Variants in FSTL4 observed in about 807,000 individuals in gnomAD.
FSTL4 encodes the protein follistatin like 4, also known as follistatin-related protein 4.
In FSTL4, 28 loss-of-function variants were observed where a neutral mutation model predicts 78.2. The observed-to-expected ratio is 0.36, with a 90% confidence interval of 0.27 to 0.49. The LOEUF (loss-of-function observed/expected upper bound fraction) is 0.49. FSTL4 is among the 20% of genes least tolerant of loss of function. FSTL4 has a pLI of 0.98. For missense variants in FSTL4, 922 were observed against 1,084.9 expected (o/e 0.85, Z 2.11); for synonymous variants, 422 against 440.5 (o/e 0.96, Z 0.53).
At chr5:133,825,118 G>A in the FSTL4 span, among the ~76,000 whole-genome samples, 7 of 152,200 alleles carry the variant, frequency 4.6e-5, no homozygotes, top group African/African-American at 1.7e-4. Flanking sequence ...CAGGGACTCA[G>A]TGCCTCGCTG....
intron 3 of FSTL4, among the ~76,000 whole-genome samples, chr5:133,466,940 G>A (rs1251278037): frequency 1.3e-5 from 2 of 149,818 alleles, no homozygotes; most frequent in Admixed American, 6.6e-5. Flanking sequence ...GAATATGAGT[G>A]TGTGAGTACG....
chr5:133,807,266 G>T, the FSTL4 span, among the ~76,000 whole-genome samples: 1 of 152,308 alleles, frequency 6.6e-6, no homozygotes, highest in Non-Finnish European at 1.5e-5. Flanking sequence ...AAGGCAAGTG[G>T]CTGCTTTCAA....
the FSTL4 span, among the ~76,000 whole-genome samples, chr5:133,756,608 G>T: frequency 2.6e-5 from 4 of 152,078 alleles, no homozygotes; most frequent in Non-Finnish European, 5.9e-5. Flanking sequence ...ACCCCACCTT[G>T]GTCTTCACTT....
chr5:133,283,020 C>T (rs1390648370), intron 6 of FSTL4, among the ~76,000 whole-genome samples: 1 of 151,102 alleles, frequency 6.6e-6, no homozygotes, highest in East Asian at 1.9e-4. Flanking sequence ...TCTGTTAGCA[C>T]AAGGTTGGGG....
intron 3 of FSTL4, among the ~76,000 whole-genome samples, chr5:133,463,950 A>G (rs1395872657): frequency 6.6e-6 from 1 of 152,228 alleles, no homozygotes; most frequent in Non-Finnish European, 1.5e-5. Flanking sequence ...GAGCAGTTCC[A>G]AGCCTTCTTG....
At chr5:133,261,599 G>A (rs1752523051) in intron 6 of FSTL4, among the ~76,000 whole-genome samples, 1 of 152,148 alleles carries the variant, frequency 6.6e-6, no homozygotes, top group African/African-American at 2.4e-5. Context: ...GCTCACGCCT[G>A]GAATCCCAGC....
At chr5:133,249,150 C>T (rs887063878) in intron 7 of FSTL4, among the ~76,000 whole-genome samples, 1 of 152,254 alleles carries the variant, frequency 6.6e-6, no homozygotes, top group Admixed American at 6.5e-5. Context: ...AATGCAGCCC[C>T]GTTCAGAGGC....
At chr5:133,818,724 G>T in the FSTL4 span, among the ~76,000 whole-genome samples, 5 of 146,138 alleles carry the variant, frequency 3.4e-5, no homozygotes, top group African/African-American at 1.3e-4. Flanking sequence ...ACTTTAATCT[G>T]CCCTAATGAA....
At chr5:133,384,059 T>C (rs1430633882) in intron 4 of FSTL4, among the ~76,000 whole-genome samples, 1 of 152,108 alleles carries the variant, frequency 6.6e-6, no homozygotes, top group African/African-American at 2.4e-5. Flanking sequence ...CTGGGAAAAA[T>C]GTGATTGGCA....
the FSTL4 span, among the ~76,000 whole-genome samples, chr5:133,823,578 A>G: frequency 6.6e-6 from 1 of 152,172 alleles, no homozygotes; most frequent in Non-Finnish European, 1.5e-5. Flanking sequence ...GCTCCCAGAG[A>G]GGCAGTATGG....
At chr5:133,395,172 C>T (rs115470538) in intron 4 of FSTL4, among the ~76,000 whole-genome samples, 2,546 of 152,230 alleles carry the variant, frequency 0.017, 61 homozygotes, top group African/African-American at 0.054. Context: ...GCAGTGGCAA[C>T]CTGGGTCCCC....
At chr5:133,526,282 C>A (rs1759098917) in intron 3 of FSTL4, among the ~76,000 whole-genome samples, 1 of 152,050 alleles carries the variant, frequency 6.6e-6, no homozygotes, top group Non-Finnish European at 1.5e-5. Context: ...AAGGGGGTAG[C>A]CTCATTATCA....
chr5:133,356,931 A>G (rs927457504), intron 4 of FSTL4, among the ~76,000 whole-genome samples: 1 of 152,210 alleles, frequency 6.6e-6, no homozygotes, highest in Non-Finnish European at 1.5e-5. Flanking sequence ...GAGCTGGTAA[A>G]GGGCCATGCC....
chr5:133,245,419 C>T (rs1371753382), intron 7 of FSTL4, among the ~76,000 whole-genome samples: 3 of 152,240 alleles, frequency 2.0e-5, no homozygotes, highest in Admixed American at 1.3e-4. Flanking sequence ...CAAACATCTG[C>T]GCTTCCCCAC....
In FSTL4 at chr5:133,560,432, T is replaced by C. The variant is rs538007308; in HGVS notation, c.160+6754A>G. On this transcript the variant is annotated intron_variant, in intron 3 of 15. Coordinates refer to ENST00000265342, the MANE Select transcript of FSTL4 (RefSeq NM_015082.2). ...TCTCCCAGGTTGGAGTGCAGTGGTG[T>C]GATCTCGGCTCACTGCAACCTCTGC... is the stretch of plus-strand genomic sequence containing the variant. 3.3e-5 allele frequency among the ~76,000 whole-genome samples: 5 copies of C among 151,872 alleles called. No individual in the cohort carries two copies. In the East Asian group the frequency reaches 5.8e-4, roughly 18 times the overall value.
intron 5 of FSTL4, among the ~76,000 whole-genome samples, chr5:133,315,159 C>A (rs1250220032): frequency 6.6e-6 from 1 of 152,114 alleles, no homozygotes; most frequent in African/African-American, 2.4e-5. Context: ...GAGACCATGT[C>A]TAAAAAAGAA....
At chr5:133,710,086 G>A in the FSTL4 span, among the ~76,000 whole-genome samples, 2 of 152,190 alleles carry the variant, frequency 1.3e-5, no homozygotes, top group African/African-American at 2.4e-5. Context: ...AGGGAGGAGT[G>A]CCATGAGGCA....
chr5:133,359,008 T>G (rs1339548482), intron 4 of FSTL4, among the ~76,000 whole-genome samples: 1 of 152,220 alleles, frequency 6.6e-6, no homozygotes. Context: ...GTGGAAATTC[T>G]CACACGGTGG....
intron 6 of FSTL4, among the ~76,000 whole-genome samples, chr5:133,284,270 G>A (rs1430441457): frequency 1.3e-5 from 2 of 152,206 alleles, no homozygotes; most frequent in Non-Finnish European, 2.9e-5. Flanking sequence ...ACATCATAAG[G>A]AGCAATTCTC....
Sources: gnomAD v4.1 joint callset for allele counts (sites outside exome capture counted in the v4.1 genomes callset) on GRCh38, gnomAD v4.1.1 for gene constraint, MANE v1.5 for transcripts, NCBI Gene and HGNC (gene_info 2026-07-23, HGNC 2026-07-21) for gene names.